Variants in HSDL2 observed in about 807,000 individuals in gnomAD.
HSDL2 encodes hydroxysteroid dehydrogenase-like protein 2.
Under a neutral mutation model 46.3 loss-of-function variants are expected in HSDL2, and 27 were observed. The ratio of observed to expected loss-of-function variants is 0.58; its 90% CI spans 0.43 to 0.80. The LOEUF is 0.80. HSDL2 is among the 30% of genes least tolerant of loss of function. HSDL2 has a pLI of 0.00. For synonymous variants in HSDL2, 153 were observed against 163.6 expected (o/e 0.94, Z 0.50); for missense variants, 451 against 502.7 (o/e 0.90, Z 0.98).
At chr9:112,450,061 C>A (rs1051608572) in intron 8 of HSDL2, among the ~76,000 whole-genome samples, 1 of 152,114 alleles carries the variant, frequency 6.6e-6, no homozygotes, top group African/African-American at 2.4e-5. Flanking sequence ...CTTAACATAG[C>A]TTTGGCTACA....
intron 10 of HSDL2, among the ~76,000 whole-genome samples, chr9:112,470,168 T>TA (rs1207711948): frequency 1.3e-5 from 2 of 152,208 alleles, no homozygotes. Flanking sequence ...CTTTAGTGTA[T>TA]AAAAATCTTT....
intron 1 of HSDL2, among the ~76,000 whole-genome samples, chr9:112,391,762 G>C (rs1467486038): frequency 1.3e-5 from 2 of 151,596 alleles, no homozygotes; most frequent in African/African-American, 4.8e-5. Context: ...AAAATCAGCT[G>C]GGTGTAGTGG....
chr9:112,386,989 A>G (rs1426987397), intron 1 of HSDL2, among the ~76,000 whole-genome samples: 1 of 152,198 alleles, frequency 6.6e-6, no homozygotes, highest in Admixed American at 6.5e-5. Context: ...TAACAGCCAG[A>G]TGTAATGTGA....
At chr9:112,404,298 C>A in intron 2 of HSDL2, 140 bp downstream of exon 2, 1 of 761,406 alleles carries the variant, frequency 1.3e-6, no homozygotes, top group Non-Finnish European at 2.0e-6. Context: ...TTTATGTTGT[C>A]ACCTTGGGGC....
At chr9:112,399,801 C>A (rs969086756) in intron 1 of HSDL2, among the ~76,000 whole-genome samples, 1 of 152,124 alleles carries the variant, frequency 6.6e-6, no homozygotes, top group Non-Finnish European at 1.5e-5. Context: ...GGTTGTCTTC[C>A]CTTGTTCCCT....
intron 1 of HSDL2, among the ~76,000 whole-genome samples, chr9:112,392,008 G>A (rs1180305194): frequency 1.3e-5 from 2 of 152,200 alleles, no homozygotes; most frequent in African/African-American, 2.4e-5. Context: ...TTTTCCTTAA[G>A]TGTCGGCCAG....
intron 1 of HSDL2, among the ~76,000 whole-genome samples, chr9:112,385,889 G>A (rs1421277945): frequency 2.0e-5 from 3 of 151,986 alleles, no homozygotes; most frequent in Admixed American, 1.3e-4. Flanking sequence ...GCCTCCCAAA[G>A]AGCTGGGATT....
intron 1 of HSDL2, among the ~76,000 whole-genome samples, chr9:112,399,160 TAAAG>T (rs1564106894): frequency 6.6e-6 from 1 of 152,060 alleles, no homozygotes; most frequent in East Asian, 1.9e-4. Context: ...AGCTGAGAAA[TAAAG>T]AGAGACAGTA....
intron 10 of HSDL2, among the ~76,000 whole-genome samples, chr9:112,462,009 CAAGT>C (rs1248818017): frequency 1.3e-5 from 2 of 152,140 alleles, no homozygotes; most frequent in Non-Finnish European, 2.9e-5. Context: ...AGATCGGGAG[CAAGT>C]GAGTTTGCTT....
At position 112,380,811 on chromosome 9, in the gene HSDL2, C is replaced by G. The variant is rs1159154302; in HGVS notation, c.17+631C>G. ...AACTTTTTTCATCTGCAAGCTGAAA[C>G]TCTATCCATGAAACAACTCCTCTTC... On this transcript the variant is annotated intron_variant, in intron 1 of 10. Coordinates refer to ENST00000398805, the MANE Select transcript of HSDL2 (RefSeq NM_032303.5). Among the ~76,000 whole-genome samples the G allele has an allele frequency of 2.6e-5, 4 of 152,098 alleles. No individual in the cohort carries two copies. The South Asian group carries it at 6.2e-4, about 24-fold the overall frequency.
Position 112,438,629 on chromosome 9 carries a change from A to G in HSDL2, c.793+4A>G. The G allele has an allele frequency of 6.6e-7, 1 of 1,508,526 alleles. No individual in the cohort carries two copies. Among genetic ancestry groups the G allele is most frequent in the South Asian group, 1.2e-5 (1 of 83,792 alleles). The allele number at this position is 1,508,526 out of a possible 1,614,324, so 93.4% of individuals were successfully genotyped here. A position where few individuals can be genotyped will look rare whatever the true frequency, so the allele number is the denominator to read the frequency against. Reference sequence around the variant, plus strand: ...GACGTTTATGCAATTAAACCAGGTAATGCTTTTATAGTTTTTAAAAGTAGT... The same window carrying G: ...GACGTTTATGCAATTAAACCAGGTAGTGCTTTTATAGTTTTTAAAAGTAGT... On this transcript the variant is annotated splice_donor_region_variant and intron_variant, in intron 7 of 10. Transcript: ENST00000398805.
chr9:112,454,768 G>C (rs775468063), intron 9 of HSDL2, among the ~76,000 whole-genome samples: 1 of 151,304 alleles, frequency 6.6e-6, no homozygotes, highest in African/African-American at 2.4e-5. Context: ...TGCAGTGGTG[G>C]GATCTGGGCT....
At chr9:112,429,267 C>T (rs900343159) in intron 6 of HSDL2, among the ~76,000 whole-genome samples, 5 of 152,210 alleles carry the variant, frequency 3.3e-5, no homozygotes, top group Non-Finnish European at 7.3e-5. Flanking sequence ...GTTCTCTGCA[C>T]TATTCAGTTG....
At chr9:112,419,282 G>A (rs1832067160) in intron 6 of HSDL2, among the ~76,000 whole-genome samples, 1 of 152,202 alleles carries the variant, frequency 6.6e-6, no homozygotes, top group African/African-American at 2.4e-5. Flanking sequence ...GGGATTACAA[G>A]CATGAGCCAC....
intron 6 of HSDL2, among the ~76,000 whole-genome samples, chr9:112,420,885 A>G (rs983624815): frequency 6.6e-6 from 1 of 152,204 alleles, no homozygotes; most frequent in Non-Finnish European, 1.5e-5. Flanking sequence ...CACATTGAAA[A>G]TCAGTCAGAT....
chr9:112,465,463 C>T (rs946647976), intron 10 of HSDL2, among the ~76,000 whole-genome samples: 3 of 152,116 alleles, frequency 2.0e-5, no homozygotes, highest in Non-Finnish European at 4.4e-5. Context: ...AGTTCAGTGA[C>T]ATTTAATATA....
At chr9:112,395,717 T>A (rs1564104914) in intron 1 of HSDL2, among the ~76,000 whole-genome samples, 1 of 152,254 alleles carries the variant, frequency 6.6e-6, no homozygotes, top group Non-Finnish European at 1.5e-5. Flanking sequence ...ACGGCTCCCA[T>A]AGGTTTAATT....
chr9:112,391,646 C>T (rs1403795159), intron 1 of HSDL2, among the ~76,000 whole-genome samples: 2 of 152,092 alleles, frequency 1.3e-5, no homozygotes, highest in African/African-American at 4.8e-5. Context: ...TGGCTCATGC[C>T]TGTAATCCCA....
intron 3 of HSDL2, among the ~76,000 whole-genome samples, chr9:112,407,978 A>T (rs555815964): frequency 6.6e-6 from 1 of 152,232 alleles, no homozygotes; most frequent in South Asian, 2.1e-4. Flanking sequence ...TGTTGGTTAT[A>T]GGTAGAAACT....
Sources: gnomAD v4.1 joint callset for allele counts (sites outside exome capture counted in the v4.1 genomes callset) on GRCh38, gnomAD v4.1.1 for gene constraint, MANE v1.5 for transcripts, NCBI Gene and HGNC (gene_info 2026-07-23, HGNC 2026-07-21) for gene names.